Variants in ATP1A4 observed in about 807,000 individuals in gnomAD.
ATP1A4 encodes the protein ATPase Na+/K+ transporting subunit alpha 4.
In ATP1A4, 90 loss-of-function variants were observed where a neutral mutation model predicts 114.3. The observed-to-expected ratio is 0.79, with a 90% CI of 0.66 to 0.94. The LOEUF (loss-of-function observed/expected upper bound fraction) is 0.94, where lower values mean the gene tolerates loss of function less well. Among genes scored for constraint, ATP1A4 ranks in the 40% least tolerant of loss-of-function variants. The pLI is 0.00. For synonymous variants in ATP1A4, 511 were observed against 494.1 expected (o/e 1.03, Z -0.45); for missense variants, 1,222 against 1,313.6 (o/e 0.93, Z 1.08).
chr1:160,160,784 TAAA>T (rs1329357592), intron 6 of ATP1A4, among the ~76,000 whole-genome samples: 1 of 152,030 alleles, frequency 6.6e-6, no homozygotes, highest in African/African-American at 2.4e-5. Flanking sequence ...GAAAATACCT[TAAA>T]GAAGAAGCGT....
At position 160,152,200 on chromosome 1, in the gene ATP1A4, A is replaced by C. The variant is rs2102007017; in HGVS notation, c.147+13A>C. 6.2e-7 allele frequency: 1 copy of C among 1,611,394 alleles called. No individual in the cohort carries two copies. The highest frequency in any genetic ancestry group is 1.3e-5 in the African/African-American group (1 of 74,826). ...GGAAGTGGTCATGGTGAGGCCACCC[A>C]AAGTGGGCGCTGACAGCTGCCCTCT... On this transcript the variant is annotated intron_variant, in intron 1 of 21. Coordinates refer to ENST00000368081, the MANE Select transcript of ATP1A4 (RefSeq NM_144699.4).
At chr1:160,168,951 T>C (rs1206175035) in intron 10 of ATP1A4, among the ~76,000 whole-genome samples, 2 of 152,224 alleles carry the variant, frequency 1.3e-5, no homozygotes, top group Admixed American at 1.3e-4. Flanking sequence ...TCTCCGTCCA[T>C]GTGATTCAAA....
At chr1:160,158,850 A>C (rs1652766100) in intron 4 of ATP1A4, 152 bp from the exon 5 acceptor site, 21 of 799,762 alleles carry the variant, frequency 2.6e-5, no homozygotes, top group Middle Eastern at 5.6e-4. Context: ...GGAATTTGCA[A>C]TCTGCCAAAG....
At chr1:160,164,092 G>T in intron 6 of ATP1A4, 64 bp from the exon 7 acceptor site, 1 of 1,567,954 alleles carries the variant, frequency 6.4e-7, no homozygotes, top group Non-Finnish European at 8.7e-7. Context: ...TGGGGGCAGA[G>T]ACCAATATCT....
Position 160,176,163 on chromosome 1 carries a change from C to T in ATP1A4, c.2383C>T (p.Pro795Ser). 3.7e-6 allele frequency: 6 copies of T among 1,614,116 alleles called. No individual in the cohort carries two copies. Among genetic ancestry groups the T allele is most frequent in the Non-Finnish European group, 5.1e-6 (6 of 1,179,980 alleles). The change falls in exon 16 of 22, where the codon CCC becomes TCC. Residue 795 changes from proline to serine, a missense_variant. By Grantham distance (74) the Pro-to-Ser change is moderately conservative. Transcript: ENST00000368081. ...TLTSNIPEITPFLMFIILGIP... is the reference protein window; with the variant it reads ...TLTSNIPEITSFLMFIILGIP... ...GACCAGCAACATCCCCGAGATCACG[C>T]CCTTCCTGATGTTCATCATCCTCGG...
chr1:160,171,830 A>G, intron 12 of ATP1A4, 73 bp downstream of exon 12: 1 of 1,459,940 alleles, frequency 6.8e-7, no homozygotes, highest in Non-Finnish European at 9.3e-7. Context: ...CCTTGCGCAG[A>G]GTAGATGCTT....
intron 10 of ATP1A4, 29 bp downstream of exon 10, chr1:160,167,441 G>T: frequency 1.2e-6 from 2 of 1,608,384 alleles, no homozygotes; most frequent in Non-Finnish European, 1.7e-6. Flanking sequence ...TAGGAGAATG[G>T]TGGTGGGGGG....
chr1:160,166,973 A>C lies in ATP1A4; in HGVS notation c.1252A>C (p.Thr418Pro), dbSNP rs758636445. ...ADTTEEQTGKTFTKSSDTWFM... is the reference protein window; with the variant it reads ...ADTTEEQTGKPFTKSSDTWFM... The stretch of plus-strand genomic sequence containing the variant: ...CTTCTTTTCTTTCTCCCTAGGAAAA[A>C]CATTTACCAAGAGCTCTGATACCTG... Residue 418 changes from threonine to proline, a missense_variant, in exon 9 of 22, where the codon ACA (threonine) becomes CCA (proline). Coordinates refer to ENST00000368081, the MANE Select transcript of ATP1A4 (RefSeq NM_144699.4). The C allele has an allele frequency of 6.8e-6, 11 of 1,613,928 alleles. No homozygotes were observed. Among genetic ancestry groups the C allele is most frequent in the African/African-American group, 2.7e-5 (2 of 74,886 alleles).
At chr1:160,153,132 C>T (rs1293950744) in intron 1 of ATP1A4, 33 bp from the exon 2 acceptor site, 1 of 1,597,744 alleles carries the variant, frequency 6.3e-7, no homozygotes, top group South Asian at 1.1e-5. Context: ...CTGGGCCACC[C>T]CCTGTCCCTC....
rs1180036254 is a variant in ATP1A4, at chr1:160,157,960, C to A, written c.526-1042C>A. ...GCAAAGGAATAGGCTCCACATTTTCCCTATAATATGATCATGTTCCAGTAG... is the reference window on the plus strand; with the variant it reads ...GCAAAGGAATAGGCTCCACATTTTCACTATAATATGATCATGTTCCAGTAG... On this transcript the variant is annotated intron_variant, in intron 4 of 21. Coordinates refer to ENST00000368081, the MANE Select transcript of ATP1A4 (RefSeq NM_144699.4). Among the ~76,000 whole-genome samples the A allele has an allele frequency of 2.0e-5, 3 of 152,254 alleles. No homozygotes were observed. The East Asian group carries it at 5.8e-4, about 29-fold the overall frequency.
At position 160,186,786 on chromosome 1, in the gene ATP1A4, G is replaced by A; in HGVS notation, c.*87G>A. 1 of 1,358,826 alleles carries A rather than the reference G, an allele frequency of 7.4e-7. No homozygotes were observed. The highest frequency in any genetic ancestry group is 1.0e-6 in the Non-Finnish European group (1 of 968,624). 84.2% of individuals were successfully genotyped at this position (1,358,826 alleles called of 1,614,324 possible). ...AGATTATAAGTTTGACACAACATCT[G>A]AGACACTAGGATGAATTATCTTGGA... On this transcript the variant is annotated 3_prime_UTR_variant, in exon 22 of 22. Transcript: ENST00000368081.
intron 4 of ATP1A4, among the ~76,000 whole-genome samples, chr1:160,158,305 G>T (rs1241787907): frequency 1.3e-5 from 2 of 152,184 alleles, no homozygotes; most frequent in Non-Finnish European, 2.9e-5. Flanking sequence ...TTACAGAGAG[G>T]TTAGCTTGGG....
chr1:160,178,135 T>C (rs1653551503), intron 18 of ATP1A4, among the ~76,000 whole-genome samples: 1 of 151,848 alleles, frequency 6.6e-6, no homozygotes, highest in African/African-American at 2.4e-5. Context: ...AGTGGGCGGA[T>C]CACTTGAGGT....
chr1:160,153,523 T>C (rs1652530893), intron 2 of ATP1A4, among the ~76,000 whole-genome samples: 2 of 152,188 alleles, frequency 1.3e-5, no homozygotes, highest in African/African-American at 4.8e-5. Context: ...CGCAAAGAAC[T>C]TGTGCTTATG....
chr1:160,173,629 A>G lies in ATP1A4; in HGVS notation c.1903A>G (p.Lys635Glu). 1 of 1,614,200 alleles carries G rather than the reference A, an allele frequency of 6.2e-7. No individual in the cohort carries two copies. The highest frequency in any genetic ancestry group is 2.2e-5 in the East Asian group (1 of 44,878). ...DHPITAKAIA[K>E]GVGIISEGTE... ...TCCCATTACAGCTAAGGCCATTGCC[A>G]AGGGTGTGGGCATCATCTCAGAAGG... Residue 635 changes from lysine (K) to glutamate (E), a missense_variant, in exon 13 of 22, where the codon AAG becomes GAG. Lys to Glu is a moderately conservative substitution (Grantham distance 56). Coordinates refer to ENST00000368081, the MANE Select transcript of ATP1A4 (RefSeq NM_144699.4).
At chr1:160,155,444 T>C (rs963109842) in intron 3 of ATP1A4, among the ~76,000 whole-genome samples, 196 bp downstream of exon 3, 1 of 152,050 alleles carries the variant, frequency 6.6e-6, no homozygotes, top group African/African-American at 2.4e-5. Context: ...AATTGATTAA[T>C]TACATTGTAA....
At chr1:160,171,195 C>A in intron 10 of ATP1A4, 56 bp from the exon 11 acceptor site, 4 of 1,476,992 alleles carry the variant, frequency 2.7e-6, no homozygotes, top group Non-Finnish European at 3.7e-6. Flanking sequence ...CTTCTTTTTG[C>A]CCCTGATCCT....
At position 160,171,741 on chromosome 1, in the gene ATP1A4, G is replaced by C. The variant is rs376255645; in HGVS notation, c.1838G>C (p.Arg613Pro). 14 of 1,613,922 alleles carry C rather than the reference G, an allele frequency of 8.7e-6. No homozygotes were observed. Among genetic ancestry groups the C allele is most frequent in the Non-Finnish European group, 1.2e-5 (14 of 1,179,990 alleles). The change falls in exon 12 of 22, where the codon CGC becomes CCC. Residue 613 changes from arginine to proline, a missense_variant. Arg to Pro is a moderately radical substitution (Grantham distance 103, BLOSUM62 -2). Coordinates refer to ENST00000368081, the MANE Select transcript of ATP1A4 (RefSeq NM_144699.4). ...AAVPDAVSKCRSAGIKVIMVT... is the reference protein window; with the variant it reads ...AAVPDAVSKCPSAGIKVIMVT... ...GTGCCTGATGCTGTGAGCAAGTGTC[G>C]CAGTGCAGGAATTAAGGTAAATACT...
intron 3 of ATP1A4, 75 bp from the exon 4 acceptor site, chr1:160,155,970 C>A: frequency 1.1e-6 from 1 of 900,094 alleles, no homozygotes; most frequent in Middle Eastern, 2.1e-4. Flanking sequence ...TGCTGTGCCC[C>A]TTGCAGACTG....
Sources: allele counts gnomAD v4.1 joint callset (sites outside exome capture counted in the v4.1 genomes callset), GRCh38; gene constraint gnomAD v4.1.1; transcripts MANE v1.5; gene names NCBI Gene and HGNC (gene_info 2026-07-23, HGNC 2026-07-21).